Variants in THSD7B observed in about 807,000 individuals in gnomAD.
THSD7B encodes thrombospondin type 1 domain containing 7B, also known as thrombospondin type-1 domain-containing protein 7B.
THSD7B carries 138 observed loss-of-function variants against 213.6 expected under a neutral mutation model. That is an observed-to-expected ratio of 0.65 (90% CI 0.56 to 0.74). The LOEUF (loss-of-function observed/expected upper bound fraction) is 0.74. THSD7B is among the 30% of genes least tolerant of loss of function. The pLI is 0.00. For synonymous variants in THSD7B, 742 were observed against 687.0 expected, an observed-to-expected ratio of 1.08 and a Z score of -1.25; for missense variants, 1,931 against 1,991.5, an observed-to-expected ratio of 0.97 and a Z score of 0.58.
intron 2 of THSD7B, among the ~76,000 whole-genome samples, chr2:136,917,701 T>G (rs985665047): frequency 6.6e-6 from 1 of 152,222 alleles, no homozygotes; most frequent in African/African-American, 2.4e-5. Flanking sequence ...GTGCAGAGTC[T>G]ATGTAACCCG....
chr2:137,250,945 C>T (rs560024223), intron 10 of THSD7B, among the ~76,000 whole-genome samples: 3 of 152,264 alleles, frequency 2.0e-5, no homozygotes, highest in African/African-American at 7.2e-5. Flanking sequence ...CCTCTGAAGT[C>T]CCATGCTCTG....
chr2:137,366,288 G>C (rs1222151457), intron 12 of THSD7B, among the ~76,000 whole-genome samples: 3 of 151,876 alleles, frequency 2.0e-5, no homozygotes, highest in African/African-American at 7.3e-5. Context: ...AATACCTAAT[G>C]TAAATAATGA....
At chr2:137,533,424 C>T (rs112000190) in intron 15 of THSD7B, among the ~76,000 whole-genome samples, 4 of 151,804 alleles carry the variant, frequency 2.6e-5, no homozygotes, top group African/African-American at 9.7e-5. Context: ...TTAATAACTG[C>T]ATTACTCCTC....
rs549437797 is a variant in THSD7B at position 136,782,270 on chromosome 2, T to C, written c.-36+16583T>C. ...GTGCGCTTCTGCTGCGTTTGTGTAT[T>C]ACTACCTTGCTGTAACTCCCTCAGG... is the stretch of plus-strand genomic sequence containing the variant. On this transcript the variant is annotated intron_variant, in intron 1 of 27. Coordinates refer to ENST00000409968, the MANE Select transcript of THSD7B (RefSeq NM_001316349.2). Among the ~76,000 whole-genome samples the C allele has an allele frequency of 3.3e-5, 5 of 152,192 alleles. No homozygotes were observed. The South Asian group carries it at 1.0e-3, about 32-fold the overall frequency.
At chr2:137,155,062 A>G (rs1169199613) in intron 5 of THSD7B, among the ~76,000 whole-genome samples, 1 of 152,240 alleles carries the variant, frequency 6.6e-6, no homozygotes, top group Non-Finnish European at 1.5e-5. Flanking sequence ...AAAATATTCA[A>G]AATATTAATG....
chr2:137,191,301 A>G (rs1558952676), intron 7 of THSD7B, among the ~76,000 whole-genome samples: 1 of 152,214 alleles, frequency 6.6e-6, no homozygotes, highest in Middle Eastern at 3.4e-3. Context: ...ACCAGATGTC[A>G]TTGTGTTTCT....
At chr2:136,902,478 G>T (rs1218799150) in intron 2 of THSD7B, among the ~76,000 whole-genome samples, 1 of 152,210 alleles carries the variant, frequency 6.6e-6, no homozygotes, top group African/African-American at 2.4e-5. Context: ...AGGAAGACAG[G>T]TTGGAGCAGC....
chr2:136,903,938 G>T (rs1558845906), intron 2 of THSD7B, among the ~76,000 whole-genome samples: 2 of 30,306 alleles, frequency 6.6e-5, no homozygotes, highest in African/African-American at 2.1e-4. Flanking sequence ...GTGTGTGTGT[G>T]TGTGTGTGTG....
At chr2:137,170,599 C>T (rs770570932) in intron 6 of THSD7B, 142 bp from the exon 7 acceptor site, 256 of 712,146 alleles carry the variant, frequency 3.6e-4, no homozygotes, top group Non-Finnish European at 5.0e-4. Flanking sequence ...TCTCACTTCA[C>T]ATAGAATAAA....
rs529634931 is a variant in THSD7B at position 136,936,199 on chromosome 2, C to T, written c.139+53882C>T. Among the ~76,000 whole-genome samples the T allele has an allele frequency of 6.8e-4, 103 of 151,860 alleles. 2 individuals carry two copies. Among genetic ancestry groups the T allele is most frequent in the African/African-American group, 1.9e-3 (78 of 41,444 alleles). The stretch of plus-strand genomic sequence containing the variant: ...ATGTTGGCGTGGATGTGGTGAAAAG[C>T]GAACATTTCTACATTGCTGGTGGGA... On this transcript the variant is annotated intron_variant, in intron 2 of 27. Coordinates refer to ENST00000409968, the MANE Select transcript of THSD7B (RefSeq NM_001316349.2).
intron 1 of THSD7B, among the ~76,000 whole-genome samples, chr2:136,772,039 T>C (rs1441297129): frequency 6.6e-6 from 1 of 151,144 alleles, no homozygotes; most frequent in African/African-American, 2.4e-5. Flanking sequence ...ATTTAGTCCC[T>C]TTTTTTTTGT....
chr2:136,960,119 T>A (rs1212580216), intron 2 of THSD7B, among the ~76,000 whole-genome samples: 1 of 152,114 alleles, frequency 6.6e-6, no homozygotes, highest in Non-Finnish European at 1.5e-5. Context: ...TCTATTTTTT[T>A]ATTTTTTATT....
At chr2:137,519,194 G>T (rs963880150) in intron 15 of THSD7B, among the ~76,000 whole-genome samples, 3 of 151,956 alleles carry the variant, frequency 2.0e-5, no homozygotes, top group African/African-American at 7.3e-5. Flanking sequence ...GGAGGTTGCA[G>T]TGAGCTGAGA....
At chr2:137,125,847 A>T (rs10928595) in intron 5 of THSD7B, among the ~76,000 whole-genome samples, 102,735 of 152,088 alleles carry the variant, frequency 0.68, 36,484 homozygotes, top group Non-Finnish European at 0.78. Flanking sequence ...GGCTACAGAA[A>T]GGATGTTGTG....
rs923259094 is a variant in THSD7B, at chr2:136,897,283, G to T, written c.139+14966G>T. 1.8e-4 allele frequency among the ~76,000 whole-genome samples: 27 copies of T among 152,110 alleles called. 2 individuals are homozygous for T. Among genetic ancestry groups the T allele is most frequent in the Admixed American group, 1.8e-3 (27 of 15,262 alleles). Reference sequence around the variant, plus strand: ...ACGGACCTGCATGGTGAGTGTTGCAGTTCTTAAAGATAGTGTGTCCAGAGT... The same window carrying T: ...ACGGACCTGCATGGTGAGTGTTGCATTTCTTAAAGATAGTGTGTCCAGAGT... On this transcript the variant is annotated intron_variant, in intron 2 of 27. Transcript: ENST00000409968.
intron 12 of THSD7B, among the ~76,000 whole-genome samples, chr2:137,284,440 A>G (rs1049341880): frequency 4.0e-5 from 6 of 151,894 alleles, no homozygotes; most frequent in Non-Finnish European, 7.4e-5. Flanking sequence ...GCCTTCTGCT[A>G]GCTTTTGTAT....
At chr2:137,304,871 G>A (rs1551282) in intron 12 of THSD7B, among the ~76,000 whole-genome samples, 54,786 of 151,824 alleles carry the variant, frequency 0.36, 10,458 homozygotes, top group Non-Finnish European at 0.42. Flanking sequence ...ATATTTCTAA[G>A]CTATGCATGT....
At chr2:137,544,750 G>A (rs1375368) in intron 15 of THSD7B, among the ~76,000 whole-genome samples, 245 of 151,438 alleles carry the variant, frequency 1.6e-3, no homozygotes, top group Non-Finnish European at 2.7e-3. Flanking sequence ...ATAGTTAATG[G>A]CTTAATTTTA....
intron 24 of THSD7B, among the ~76,000 whole-genome samples, chr2:137,658,976 G>A (rs534693385): frequency 6.6e-6 from 1 of 152,292 alleles, no homozygotes; most frequent in South Asian, 2.1e-4. Flanking sequence ...ATTTAGCAAA[G>A]TAAGACTAGT....
Sources: allele counts gnomAD v4.1 joint callset (sites outside exome capture counted in the v4.1 genomes callset), GRCh38; gene constraint gnomAD v4.1.1; transcripts MANE v1.5; gene names NCBI Gene and HGNC (gene_info 2026-07-23, HGNC 2026-07-21).